Variants in DENND1B observed in about 807,000 individuals in gnomAD.
DENND1B encodes the protein DENN domain containing 1B.
Under a neutral mutation model 90.1 loss-of-function variants are expected in DENND1B, and 59 were observed. That is an observed-to-expected ratio of 0.65 (90% CI 0.53 to 0.81). The LOEUF is 0.81. DENND1B is among the 40% of genes least tolerant of loss of function. The probability of loss-of-function intolerance (pLI) is 0.00; values close to 1 mark genes in which losing one functional copy is unlikely to be tolerated. For missense variants in DENND1B, 862 were observed against 912.6 expected (o/e 0.94, Z 0.71); for synonymous variants, 337 against 324.6 (o/e 1.04, Z -0.41).
At chr1:197,764,601 A>G (rs1450395900) in intron 2 of DENND1B, among the ~76,000 whole-genome samples, 1 of 152,192 alleles carries the variant, frequency 6.6e-6, no homozygotes, top group Admixed American at 6.5e-5. Context: ...AAATGAAACC[A>G]GGATTTGGCA....
At chr1:197,606,392 G>A (rs1676686619) in intron 13 of DENND1B, 1 of 151,166 alleles carries the variant, frequency 6.6e-6, no homozygotes, top group Non-Finnish European at 1.5e-5. Context: ...ATGACAAACT[G>A]GGTTTGCAGT....
intron 2 of DENND1B, among the ~76,000 whole-genome samples, chr1:197,761,235 T>A (rs976445636): frequency 2.6e-5 from 4 of 152,202 alleles, no homozygotes; most frequent in African/African-American, 9.6e-5. Context: ...CTTCATTAAC[T>A]GCTTATAATT....
chr1:197,734,272 T>A, intron 2 of DENND1B: 1 of 924,042 alleles, frequency 1.1e-6, no homozygotes. Flanking sequence ...GTAAATTTTT[T>A]AACCTGTAAA....
At chr1:197,619,633 A>T (rs1294819522) in intron 10 of DENND1B, among the ~76,000 whole-genome samples, 1 of 151,220 alleles carries the variant, frequency 6.6e-6, no homozygotes, top group East Asian at 2.0e-4. Flanking sequence ...ACCTCACTTT[A>T]TTTCACTGGG....
intron 10 of DENND1B, among the ~76,000 whole-genome samples, chr1:197,631,363 G>T (rs1457909294): frequency 6.6e-6 from 1 of 151,980 alleles, no homozygotes; most frequent in Non-Finnish European, 1.5e-5. Flanking sequence ...AGAAATTTCA[G>T]GGTAAAAGAA....
At chr1:197,528,145 A>C (rs945423189) in intron 20 of DENND1B, among the ~76,000 whole-genome samples, 1 of 152,174 alleles carries the variant, frequency 6.6e-6, no homozygotes, top group Non-Finnish European at 1.5e-5. Context: ...AGAACCTAAG[A>C]TATTCTTTTC....
At chr1:197,595,391 G>T in intron 13 of DENND1B, 58 bp from the exon 14 acceptor site, 1 of 1,587,428 alleles carries the variant, frequency 6.3e-7, no homozygotes, top group Non-Finnish European at 8.6e-7. Flanking sequence ...CAGCGAGGTA[G>T]GAACCCAATC....
intron 14 of DENND1B, among the ~76,000 whole-genome samples, chr1:197,592,844 A>G (rs1034861325): frequency 1.3e-5 from 2 of 152,178 alleles, no homozygotes; most frequent in Non-Finnish European, 2.9e-5. Flanking sequence ...TTTTATGTGT[A>G]TAAACAATCA....
intron 3 of DENND1B, among the ~76,000 whole-genome samples, chr1:197,675,854 T>C (rs1001948046): frequency 6.6e-6 from 1 of 152,026 alleles, no homozygotes; most frequent in African/African-American, 2.4e-5. Flanking sequence ...ATATTTCACA[T>C]CAATTTTAAG....
intron 14 of DENND1B, among the ~76,000 whole-genome samples, chr1:197,585,057 A>G (rs2125779736): frequency 6.6e-6 from 1 of 152,284 alleles, no homozygotes; most frequent in South Asian, 2.1e-4. Context: ...TATATTTTGG[A>G]TGATCACAAA....
intron 3 of DENND1B, among the ~76,000 whole-genome samples, chr1:197,676,512 A>G (rs990980190): frequency 1.3e-5 from 2 of 152,126 alleles, no homozygotes; most frequent in Admixed American, 6.6e-5. Flanking sequence ...ACTCTCCAGA[A>G]GTTATCAATT....
chr1:197,686,604 T>C (rs571695822), intron 3 of DENND1B, among the ~76,000 whole-genome samples: 3 of 152,136 alleles, frequency 2.0e-5, no homozygotes, highest in African/African-American at 7.2e-5. Context: ...TACTAAGAAA[T>C]GTACTATGTA....
chr1:197,550,329 A>T (rs1051048792), intron 16 of DENND1B, among the ~76,000 whole-genome samples: 7 of 152,076 alleles, frequency 4.6e-5, no homozygotes, highest in African/African-American at 1.7e-4. Context: ...AGCCACATAG[A>T]CACATGTGGA....
chr1:197,651,312 TA>T (rs1270332039), intron 7 of DENND1B, among the ~76,000 whole-genome samples: 2 of 152,110 alleles, frequency 1.3e-5, no homozygotes, highest in African/African-American at 4.8e-5. Context: ...TTTAAGCATT[TA>T]CAAAAACTCC....
upstream of DENND1B, among the ~76,000 whole-genome samples, chr1:197,776,163 A>G (rs983098662): frequency 2.6e-5 from 4 of 152,220 alleles, no homozygotes; most frequent in African/African-American, 9.6e-5. Context: ...CCACTGAATA[A>G]GCGTGGGAGG....
At chr1:197,518,797 T>C (rs115319587) in intron 20 of DENND1B, among the ~76,000 whole-genome samples, 1 of 151,970 alleles carries the variant, frequency 6.6e-6, no homozygotes, top group African/African-American at 2.4e-5. Context: ...CTTCTTTTTG[T>C]GACTAAGAAC....
chr1:197,735,212 T>A (rs932880512), intron 2 of DENND1B: 11 of 1,052,656 alleles, frequency 1.0e-5, no homozygotes, highest in Non-Finnish European at 1.3e-5. Flanking sequence ...ATTGAGTATC[T>A]TTTACATCAA....
intron 2 of DENND1B, among the ~76,000 whole-genome samples, chr1:197,744,791 C>G (rs992200538): frequency 6.6e-6 from 1 of 152,088 alleles, no homozygotes; most frequent in Non-Finnish European, 1.5e-5. Context: ...ATGGCATCTT[C>G]TTTTAATATA....
At chr1:197,606,735 G>C (rs1471155125) in intron 13 of DENND1B, 1 of 173,640 alleles carries the variant, frequency 5.8e-6, no homozygotes, top group Admixed American at 6.4e-5. Flanking sequence ...TCATTCTTTT[G>C]CAAGACATGC....
Sources: gnomAD v4.1 joint callset for allele counts (sites outside exome capture counted in the v4.1 genomes callset) on GRCh38, gnomAD v4.1.1 for gene constraint, MANE v1.5 for transcripts, NCBI Gene and HGNC (gene_info 2026-07-23, HGNC 2026-07-21) for gene names.